Variants in GRM7 observed in about 807,000 individuals in gnomAD.
GRM7 encodes glutamate metabotropic receptor 7, also known as metabotropic glutamate receptor 7.
A neutral mutation model predicts 84.5 loss-of-function variants in GRM7; 35 were observed. The ratio of observed to expected loss-of-function variants is 0.41; its 90% CI spans 0.32 to 0.55. GRM7 has a LOEUF of 0.55. Ranked by LOEUF, GRM7 falls within the 20% of genes least tolerant of loss-of-function variation. The pLI is 0.19. For synonymous variants in GRM7, 487 were observed against 455.1 expected (o/e 1.07, Z -0.89); for missense variants, 1,003 against 1,194.6 (o/e 0.84, Z 2.36).
At chr3:7,609,840 T>G (rs902759156) in intron 8 of GRM7, among the ~76,000 whole-genome samples, 2 of 152,072 alleles carry the variant, frequency 1.3e-5, no homozygotes, top group Non-Finnish European at 2.9e-5. Flanking sequence ...TGACAACCAC[T>G]CCTTTAAAGA....
chr3:7,615,063 G>A (rs1049815740), intron 8 of GRM7, among the ~76,000 whole-genome samples: 1 of 152,082 alleles, frequency 6.6e-6, no homozygotes, highest in Non-Finnish European at 1.5e-5. Context: ...TTTTTACTGA[G>A]AATTCAGTTT....
At chr3:7,411,708 G>A (rs897438979) in intron 4 of GRM7, among the ~76,000 whole-genome samples, 1 of 152,030 alleles carries the variant, frequency 6.6e-6, no homozygotes, top group Non-Finnish European at 1.5e-5. Context: ...TATTTCATAG[G>A]CATTTGGGTT....
Position 7,036,254 on chromosome 3 carries a change from G to A in GRM7, c.520-110198G>A, listed in dbSNP as rs573139476. Among the ~76,000 whole-genome samples the A allele has an allele frequency of 3.9e-5, 6 of 152,250 alleles. No individual in the cohort carries two copies. The South Asian group carries it at 1.2e-3, about 32-fold the overall frequency. The stretch of plus-strand genomic sequence containing the variant: ...GAATCATGGCCAATAATTTGAAGTA[G>A]GTTGAAGAAAAGAGGAAAGAATAAG... On this transcript the variant is annotated intron_variant, in intron 1 of 9. Coordinates refer to ENST00000357716, the MANE Select transcript of GRM7 (RefSeq NM_000844.4).
chr3:7,515,804 G>T (rs556952238), intron 7 of GRM7, among the ~76,000 whole-genome samples: 5 of 152,052 alleles, frequency 3.3e-5, no homozygotes, highest in African/African-American at 9.7e-5. Context: ...GCCTCTTGCT[G>T]TGTAAACTAG....
chr3:7,314,303 T>C (rs1031371332), intron 4 of GRM7, among the ~76,000 whole-genome samples: 1 of 152,076 alleles, frequency 6.6e-6, no homozygotes, highest in African/African-American at 2.4e-5. Flanking sequence ...ATTGTAATAT[T>C]CCATCCCCCG....
At chr3:6,929,295 CCT>C (rs1284127155) in intron 1 of GRM7, among the ~76,000 whole-genome samples, 1 of 152,144 alleles carries the variant, frequency 6.6e-6, no homozygotes, top group East Asian at 1.9e-4. Flanking sequence ...TCTGTTTAGA[CCT>C]CCATGCCTTC....
intron 2 of GRM7, among the ~76,000 whole-genome samples, chr3:7,249,143 T>G (rs1657274949): frequency 6.6e-6 from 1 of 152,130 alleles, no homozygotes; most frequent in Non-Finnish European, 1.5e-5. Flanking sequence ...GTTAATTGTT[T>G]GGGATAAAAC....
At chr3:7,674,381 G>A (rs1700048749) in intron 8 of GRM7, among the ~76,000 whole-genome samples, 1 of 151,974 alleles carries the variant, frequency 6.6e-6, no homozygotes, top group African/African-American at 2.4e-5. Flanking sequence ...TAATAGAGAT[G>A]GGGTTTTGCC....
At chr3:7,599,861 T>TG (rs373697841) in intron 8 of GRM7, among the ~76,000 whole-genome samples, 4 of 151,840 alleles carry the variant, frequency 2.6e-5, no homozygotes, top group African/African-American at 7.3e-5. Context: ...TACACGGTCG[T>TG]GGGGGGTGGG....
intron 9 of GRM7, among the ~76,000 whole-genome samples, chr3:7,731,187 G>T (rs1310704161): frequency 6.6e-6 from 1 of 151,134 alleles, no homozygotes; most frequent in Admixed American, 6.6e-5. Flanking sequence ...ATGTTTAGAT[G>T]CAAAAAGAGG....
At chr3:6,964,206 T>C (rs946087259) in intron 1 of GRM7, among the ~76,000 whole-genome samples, 1 of 152,188 alleles carries the variant, frequency 6.6e-6, no homozygotes, top group Non-Finnish European at 1.5e-5. Flanking sequence ...TACTATGGAC[T>C]GGGTGGCTTA....
intron 9 of GRM7, among the ~76,000 whole-genome samples, chr3:7,739,787 C>T (rs1021303851): frequency 3.3e-5 from 5 of 152,246 alleles, no homozygotes; most frequent in Admixed American, 1.3e-4. Flanking sequence ...TGTCAGACAC[C>T]TGACAGGTTT....
chr3:7,206,677 A>G (rs1354708666), intron 2 of GRM7, among the ~76,000 whole-genome samples: 1 of 152,198 alleles, frequency 6.6e-6, no homozygotes, highest in Non-Finnish European at 1.5e-5. Flanking sequence ...ATTTGCAAGG[A>G]AAGCAAAAGG....
chr3:7,374,771 T>A (rs940872312), intron 4 of GRM7, among the ~76,000 whole-genome samples: 4 of 151,828 alleles, frequency 2.6e-5, no homozygotes, highest in Admixed American at 2.0e-4. Flanking sequence ...GATTACAGGC[T>A]TGAGCCACCA....
chr3:7,317,772 A>C (rs1435906311), intron 4 of GRM7, among the ~76,000 whole-genome samples: 1 of 152,050 alleles, frequency 6.6e-6, no homozygotes, highest in Non-Finnish European at 1.5e-5. Flanking sequence ...CTACAAAAAA[A>C]AAACTGTGCA....
chr3:7,728,699 A>G (rs1702212667), intron 9 of GRM7, among the ~76,000 whole-genome samples: 1 of 152,148 alleles, frequency 6.6e-6, no homozygotes, highest in Admixed American at 6.5e-5. Flanking sequence ...CAGGGCATCA[A>G]TTTCCCTAGG....
intron 8 of GRM7, among the ~76,000 whole-genome samples, chr3:7,673,136 A>G (rs1236349328): frequency 6.6e-6 from 1 of 152,186 alleles, no homozygotes; most frequent in Non-Finnish European, 1.5e-5. Flanking sequence ...ATTTACAGAG[A>G]CCATCATTTG....
chr3:7,608,758 C>A (rs982744730), intron 8 of GRM7, among the ~76,000 whole-genome samples: 14 of 152,088 alleles, frequency 9.2e-5, no homozygotes, highest in African/African-American at 2.9e-4. Flanking sequence ...GTCGTGATTG[C>A]TTTCGGAGTC....
At chr3:7,043,490 C>A (rs1424721180) in intron 1 of GRM7, among the ~76,000 whole-genome samples, 1 of 152,116 alleles carries the variant, frequency 6.6e-6, no homozygotes, top group East Asian at 1.9e-4. Context: ...GTTCACTGTC[C>A]TTTATTGCCT....
Sources: allele counts gnomAD v4.1 joint callset (sites outside exome capture counted in the v4.1 genomes callset), GRCh38; gene constraint gnomAD v4.1.1; transcripts MANE v1.5; gene names NCBI Gene and HGNC (gene_info 2026-07-23, HGNC 2026-07-21).